Variants in UHRF2 observed in about 807,000 individuals in gnomAD.
The protein encoded by UHRF2 is E3 ubiquitin-protein ligase UHRF2.
In UHRF2, 23 loss-of-function variants were observed where a neutral mutation model predicts 96.8. The ratio of observed to expected loss-of-function variants is 0.24; its 90% CI spans 0.17 to 0.34. UHRF2 has a LOEUF of 0.34. Ranked by LOEUF, UHRF2 falls within the 10% of genes least tolerant of loss-of-function variation. The pLI, the probability that UHRF2 is intolerant of heterozygous loss-of-function variation, is 1.00. For missense variants in UHRF2, 685 were observed against 981.5 expected, an observed-to-expected ratio of 0.70 and a Z score of 4.04; for synonymous variants, 385 against 332.6, an observed-to-expected ratio of 1.16 and a Z score of -1.72.
At chr9:6,470,083 A>G (rs1823149808) in intron 4 of UHRF2, among the ~76,000 whole-genome samples, 1 of 152,198 alleles carries the variant, frequency 6.6e-6, no homozygotes, top group Admixed American at 6.5e-5. Flanking sequence ...ATTTAAAAAC[A>G]TTCCCAGCTG....
At chr9:6,418,023 T>C (rs1032891614) in intron 1 of UHRF2, among the ~76,000 whole-genome samples, 1 of 152,202 alleles carries the variant, frequency 6.6e-6, no homozygotes, top group African/African-American at 2.4e-5. Context: ...TTGCATGTTT[T>C]ATACTGTTAG....
intron 3 of UHRF2, among the ~76,000 whole-genome samples, chr9:6,457,131 A>C (rs1360628938): frequency 6.6e-6 from 1 of 152,134 alleles, no homozygotes; most frequent in African/African-American, 2.4e-5. Flanking sequence ...TGATTCTTCT[A>C]TCCATGAGCA....
At chr9:6,414,156 CT>C (rs1351140933) in intron 1 of UHRF2, 1 of 152,342 alleles carries the variant, frequency 6.6e-6, no homozygotes, top group African/African-American at 2.4e-5. Context: ...CCTAACTCTG[CT>C]TCCTGACTGT....
At chr9:6,494,032 G>T in intron 10 of UHRF2, 100 bp downstream of exon 10, 4 of 997,374 alleles carry the variant, frequency 4.0e-6, no homozygotes, top group South Asian at 3.6e-5. Context: ...TTTCAAACTG[G>T]GAGTTAAAGA....
chr9:6,479,470 C>A (rs1823792839), intron 6 of UHRF2, among the ~76,000 whole-genome samples: 2 of 152,094 alleles, frequency 1.3e-5, no homozygotes, highest in Non-Finnish European at 2.9e-5. Context: ...CCACTCCCAC[C>A]CCCAACCCTG....
chr9:6,444,717 C>T (rs962816587), intron 3 of UHRF2, among the ~76,000 whole-genome samples: 3 of 152,154 alleles, frequency 2.0e-5, no homozygotes, highest in African/African-American at 7.2e-5. Flanking sequence ...TGTCTCCTGC[C>T]TCTGCCTCCC....
chr9:6,456,132 A>G (rs1822157767), intron 3 of UHRF2, among the ~76,000 whole-genome samples: 1 of 152,172 alleles, frequency 6.6e-6, no homozygotes, highest in Non-Finnish European at 1.5e-5. Context: ...TTCTGATGAA[A>G]TTTCTTGGCT....
At chr9:6,477,929 C>T in intron 6 of UHRF2, 121 bp downstream of exon 6, 1 of 835,184 alleles carries the variant, frequency 1.2e-6, no homozygotes, top group East Asian at 2.7e-5. Context: ...ATGTTATGGC[C>T]AGTGGTTACT....
At position 6,489,264 on chromosome 9, in the gene UHRF2, G is replaced by A. The variant is rs76859182; in HGVS notation, c.1497+2339G>A. 6.3e-3 allele frequency among the ~76,000 whole-genome samples: 966 copies of A among 152,260 alleles called. 13 individuals are homozygous for A. The highest frequency in any genetic ancestry group is 0.022 in the African/African-American group (921 of 41,540). On this transcript the variant is annotated intron_variant, in intron 9 of 15. Coordinates refer to ENST00000276893, the MANE Select transcript of UHRF2 (RefSeq NM_152896.3). ...ATAGTTCATTTCTTTTTATTGATGAGTACTAGTCCATGGTGTGGATGTACC... is the reference window on the plus strand; with the variant it reads ...ATAGTTCATTTCTTTTTATTGATGAATACTAGTCCATGGTGTGGATGTACC...
chr9:6,500,575 G>T lies in UHRF2; in HGVS notation c.2029G>T (p.Val677Leu), dbSNP rs772751373. ...SDDDCPSASK[V>L]YKASDSAEAI... ...AGATGACTGTCCAAGTGCCTCCAAA[G>T]TGTACAAAGCATCAGATTCAGCAGA... The change falls in exon 14 of 16, where the codon GTG (valine) becomes TTG (leucine). Residue 677 changes from valine to leucine, a missense_variant. Physicochemically the swap from Val to Leu is conservative, Grantham distance 32 (BLOSUM62 1). Transcript: ENST00000276893. 3.1e-6 allele frequency: 5 copies of T among 1,612,648 alleles called. No homozygotes were observed. The East Asian group carries it at 6.7e-5, about 22-fold the overall frequency.
chr9:6,421,481 A>G (rs769029432), intron 2 of UHRF2, among the ~76,000 whole-genome samples: 2 of 152,086 alleles, frequency 1.3e-5, no homozygotes, highest in African/African-American at 2.4e-5. Context: ...GGCGCACGCA[A>G]TCTTGGCTCG....
chr9:6,497,388 T>C (rs1825028878), intron 11 of UHRF2, 28 bp downstream of exon 11: 1 of 1,607,870 alleles, frequency 6.2e-7, no homozygotes, highest in Non-Finnish European at 8.5e-7. Flanking sequence ...ACATCTTGTT[T>C]GTCATTCTTC....
intron 2 of UHRF2, among the ~76,000 whole-genome samples, chr9:6,421,632 G>A (rs1006223223): frequency 6.6e-6 from 1 of 152,116 alleles, no homozygotes; most frequent in Non-Finnish European, 1.5e-5. Flanking sequence ...GGCCAGGCTA[G>A]TCTCGAACTC....
At chr9:6,452,007 A>G (rs1214227426) in intron 3 of UHRF2, among the ~76,000 whole-genome samples, 1 of 152,172 alleles carries the variant, frequency 6.6e-6, no homozygotes, top group East Asian at 1.9e-4. Context: ...CCATATACCC[A>G]TATCTAGTGT....
At chr9:6,464,056 C>A (rs961955448) in intron 4 of UHRF2, among the ~76,000 whole-genome samples, 1 of 152,186 alleles carries the variant, frequency 6.6e-6, no homozygotes, top group Non-Finnish European at 1.5e-5. Flanking sequence ...GGTTACAGTT[C>A]TGCAACAGTA....
chr9:6,413,453 G>T lies in UHRF2; in HGVS notation c.-38G>T. ...CGGGGCGCGGCGCCCAGAGCTCAGG[G>T]GGAGACAAAGGGGACCGGTTCCTCT... On this transcript the variant is annotated 5_prime_UTR_variant, in exon 1 of 16. Coordinates refer to ENST00000276893, the MANE Select transcript of UHRF2 (RefSeq NM_152896.3). The T allele has an allele frequency of 6.8e-7, 1 of 1,475,816 alleles. No individual in the cohort carries two copies. Among genetic ancestry groups the T allele is most frequent in the Non-Finnish European group, 9.1e-7 (1 of 1,101,214 alleles). The allele number at this position is 1,475,816 out of a possible 1,614,324, so 91.4% of individuals were successfully genotyped here. A position where few individuals can be genotyped will look rare whatever the true frequency, so the allele number is the denominator to read the frequency against.
At chr9:6,485,020 C>T (rs569670065) in intron 8 of UHRF2, among the ~76,000 whole-genome samples, 37 of 151,736 alleles carry the variant, frequency 2.4e-4, no homozygotes, top group African/African-American at 7.0e-4. Context: ...CTCAAACTCC[C>T]GACCTCAGGT....
At chr9:6,462,217 G>A (rs965232757) in intron 4 of UHRF2, among the ~76,000 whole-genome samples, 44 of 151,776 alleles carry the variant, frequency 2.9e-4, no homozygotes, top group African/African-American at 9.7e-4. Flanking sequence ...CTATTTTTGT[G>A]CTCCACAGTA....
At chr9:6,441,982 T>C (rs1047438534) in intron 3 of UHRF2, among the ~76,000 whole-genome samples, 2 of 152,206 alleles carry the variant, frequency 1.3e-5, no homozygotes, top group Admixed American at 6.5e-5. Context: ...TGTTCCGAGA[T>C]CTAAGGTTTT....
Sources: allele counts gnomAD v4.1 joint callset (sites outside exome capture counted in the v4.1 genomes callset), GRCh38; gene constraint gnomAD v4.1.1; transcripts MANE v1.5; gene names NCBI Gene and HGNC (gene_info 2026-07-23, HGNC 2026-07-21).